TENM3: variants seen among roughly 807,000 people sequenced by gnomAD.
TENM3 encodes teneurin transmembrane protein 3, also known as teneurin-3.
In TENM3, 63 loss-of-function variants were observed where a neutral mutation model predicts 255.1. That is an observed-to-expected ratio of 0.25 (90% CI 0.20 to 0.30). TENM3 has a LOEUF of 0.30. Among genes scored for constraint, TENM3 ranks in the 10% least tolerant of loss-of-function variants. TENM3 has a pLI of 1.00. For missense variants in TENM3, 2,929 were observed against 3,461.1 expected (o/e 0.85, Z 3.86); for synonymous variants, 1,306 against 1,322.3 (o/e 0.99, Z 0.27).
the TENM3 span, among the ~76,000 whole-genome samples, chr4:181,921,294 G>A: frequency 6.6e-6 from 1 of 152,096 alleles, no homozygotes; most frequent in Non-Finnish European, 1.5e-5. Context: ...GCTTGATGGG[G>A]ATGGCATTGA....
chr4:182,053,461 T>A, the TENM3 span, among the ~76,000 whole-genome samples: 1 of 152,186 alleles, frequency 6.6e-6, no homozygotes, highest in Non-Finnish European at 1.5e-5. Context: ...GCCAGCTAAT[T>A]GCCCATCTAG....
the TENM3 span, among the ~76,000 whole-genome samples, chr4:181,869,721 T>G: frequency 6.6e-6 from 1 of 152,254 alleles, no homozygotes; most frequent in East Asian, 1.9e-4. Flanking sequence ...CACTGAGAAT[T>G]TGCTTGACAT....
intron 1 of TENM3, among the ~76,000 whole-genome samples, chr4:182,277,939 TG>T (rs1270956689): frequency 6.6e-6 from 1 of 152,200 alleles, no homozygotes; most frequent in Admixed American, 6.5e-5. Flanking sequence ...AGTTAGCTGG[TG>T]GGACCCACTC....
chr4:182,400,595 C>T (rs1290257051), intron 3 of TENM3, among the ~76,000 whole-genome samples: 1 of 151,938 alleles, frequency 6.6e-6, no homozygotes, highest in African/African-American at 2.4e-5. Flanking sequence ...AAATAAAATC[C>T]AGAAGATGGA....
At chr4:182,743,587 C>T (rs542224700) in intron 19 of TENM3, among the ~76,000 whole-genome samples, 168 bp downstream of exon 19, 1 of 152,264 alleles carries the variant, frequency 6.6e-6, no homozygotes, top group South Asian at 2.1e-4. Flanking sequence ...AAGCATAACA[C>T]ATATAAATTG....
chr4:181,741,991 C>A, the TENM3 span, among the ~76,000 whole-genome samples: 1 of 152,146 alleles, frequency 6.6e-6, no homozygotes, highest in Non-Finnish European at 1.5e-5. Flanking sequence ...TATTACTTAT[C>A]GCTTGTGTCA....
chr4:182,367,986 T>C (rs1009084286), intron 3 of TENM3, among the ~76,000 whole-genome samples: 2 of 152,186 alleles, frequency 1.3e-5, no homozygotes, highest in African/African-American at 2.4e-5. Flanking sequence ...CTAGCCTAGT[T>C]AACTTTCATA....
chr4:182,468,824 TTGTGTGTGTGTGTGTGTG>T (rs66517986), intron 3 of TENM3, among the ~76,000 whole-genome samples: 8 of 143,876 alleles, frequency 5.6e-5, no homozygotes, highest in Middle Eastern at 3.5e-3. Context: ...TCCTGTGTGC[TTGTGTGTGTGTGTGTGTG>T]TGTGTGTGTG....
At chr4:182,462,576 T>C (rs1188769559) in intron 3 of TENM3, among the ~76,000 whole-genome samples, 1 of 151,864 alleles carries the variant, frequency 6.6e-6, no homozygotes, top group African/African-American at 2.4e-5. Context: ...GTTCAAGTTC[T>C]TATGGCATTA....
chr4:182,365,282 T>C (rs1766351335), intron 3 of TENM3, among the ~76,000 whole-genome samples: 1 of 152,214 alleles, frequency 6.6e-6, no homozygotes, highest in Non-Finnish European at 1.5e-5. Flanking sequence ...TAAGGAAAAC[T>C]GAAGGCAGAG....
the TENM3 span, among the ~76,000 whole-genome samples, chr4:182,065,837 G>A: frequency 1.3e-5 from 2 of 152,170 alleles, no homozygotes; most frequent in Admixed American, 1.3e-4. Flanking sequence ...TCTGAATCTT[G>A]TTACCAAACC....
At chr4:182,755,386 T>G in intron 22 of TENM3, 127 bp downstream of exon 22, 1 of 1,002,462 alleles carries the variant, frequency 1.0e-6, no homozygotes, top group Non-Finnish European at 1.4e-6. Flanking sequence ...TCTGTAATTT[T>G]TGGATCCCGG....
rs575364190 is a variant in TENM3, at chr4:182,709,378, A to G, written c.2222-4709A>G. Among the ~76,000 whole-genome samples, 582 of 152,336 alleles carry G rather than the reference A, an allele frequency of 3.8e-3. 2 individuals are homozygous for G. Among genetic ancestry groups the G allele is most frequent in the Non-Finnish European group, 7.0e-3 (478 of 68,034 alleles). On this transcript the variant is annotated intron_variant, in intron 12 of 27. Transcript: ENST00000511685. The stretch of plus-strand genomic sequence containing the variant: ...ATAAAACAAATTTCAACTTCTTAGT[A>G]GATTGAAGGAATGACTTTTCTCTAG...
the TENM3 span, among the ~76,000 whole-genome samples, chr4:181,497,413 G>T: frequency 6.6e-5 from 10 of 151,698 alleles, 1 homozygote; most frequent in African/African-American, 9.7e-5. Flanking sequence ...TTTTATTTTT[G>T]TTCCAGTGGT....
At chr4:181,844,151 C>A in the TENM3 span, among the ~76,000 whole-genome samples, 14 of 152,118 alleles carry the variant, frequency 9.2e-5, 1 homozygote, top group Admixed American at 9.2e-4. Flanking sequence ...AACTAACCGA[C>A]TCCTGAGATG....
At chr4:181,799,907 C>G in the TENM3 span, among the ~76,000 whole-genome samples, 1 of 152,086 alleles carries the variant, frequency 6.6e-6, no homozygotes, top group Non-Finnish European at 1.5e-5. Flanking sequence ...TTCAAAAGCC[C>G]TCGGGAGCTA....
At chr4:181,834,612 G>A in the TENM3 span, among the ~76,000 whole-genome samples, 1 of 152,192 alleles carries the variant, frequency 6.6e-6, no homozygotes, top group African/African-American at 2.4e-5. Context: ...TGGGGCGGGG[G>A]AAGCGGGGAA....
intron 7 of TENM3, among the ~76,000 whole-genome samples, chr4:182,677,869 A>G (rs1238547371): frequency 1.3e-5 from 2 of 152,170 alleles, no homozygotes; most frequent in Admixed American, 6.5e-5. Flanking sequence ...TAAAATGGCA[A>G]TATATTTAAC....
At chr4:181,887,068 T>G in the TENM3 span, among the ~76,000 whole-genome samples, 1 of 152,168 alleles carries the variant, frequency 6.6e-6, no homozygotes, top group Non-Finnish European at 1.5e-5. Context: ...TCTTCTACAG[T>G]GTACTTTAAA....
Sources: allele counts gnomAD v4.1 joint callset (sites outside exome capture counted in the v4.1 genomes callset), GRCh38; gene constraint gnomAD v4.1.1; transcripts MANE v1.5; gene names NCBI Gene and HGNC (gene_info 2026-07-23, HGNC 2026-07-21).